CA10: variants seen among roughly 807,000 people sequenced by gnomAD.
CA10 encodes the protein carbonic anhydrase 10 (inactive).
CA10 carries 14 observed loss-of-function variants against 44.2 expected under a neutral mutation model. The ratio of observed to expected loss-of-function variants is 0.32; its 90% CI spans 0.21 to 0.50. CA10 has a LOEUF of 0.50. Ranked by LOEUF, CA10 falls within the 20% of genes least tolerant of loss-of-function variation. The probability of loss-of-function intolerance (pLI) is 0.99; values close to 1 mark genes in which losing one functional copy is unlikely to be tolerated. For synonymous variants in CA10, 159 were observed against 141.6 expected, an observed-to-expected ratio of 1.12 and a Z score of -0.87; for missense variants, 350 against 409.7, an observed-to-expected ratio of 0.85 and a Z score of 1.26.
chr17:51,933,414 G>A (rs532759053), intron 2 of CA10, among the ~76,000 whole-genome samples: 7 of 152,082 alleles, frequency 4.6e-5, no homozygotes, highest in Non-Finnish European at 7.4e-5. Context: ...TGGAGGAAGG[G>A]GACATGAACC....
chr17:51,840,485 AC>A (rs1978310617), intron 3 of CA10, among the ~76,000 whole-genome samples: 1 of 49,840 alleles, frequency 2.0e-5, no homozygotes, highest in African/African-American at 5.5e-5. Context: ...TAATACACAC[AC>A]ACACACACAC....
At chr17:52,128,008 A>G (rs1356025321) in intron 1 of CA10, among the ~76,000 whole-genome samples, 3 of 152,218 alleles carry the variant, frequency 2.0e-5, no homozygotes, top group Non-Finnish European at 4.4e-5. Context: ...GCTTTGATCT[A>G]CATTTTTCAA....
intron 2 of CA10, among the ~76,000 whole-genome samples, chr17:51,970,465 A>C (rs1021102565): frequency 6.6e-6 from 1 of 152,094 alleles, no homozygotes; most frequent in Non-Finnish European, 1.5e-5. Context: ...CTACTACTGC[A>C]GCGTATTTTA....
intron 3 of CA10, among the ~76,000 whole-genome samples, chr17:51,770,942 G>A (rs1905584262): frequency 6.6e-6 from 1 of 151,716 alleles, no homozygotes; most frequent in African/African-American, 2.4e-5. Context: ...TGGCCAACAT[G>A]GTGAAACCCC....
chr17:51,711,669 T>C (rs1040535556), intron 4 of CA10, among the ~76,000 whole-genome samples: 5 of 152,180 alleles, frequency 3.3e-5, no homozygotes, highest in South Asian at 4.1e-4. Context: ...CTGAAACAAA[T>C]ATCTAAGCAA....
chr17:52,011,333 T>C (rs372330689), intron 2 of CA10, among the ~76,000 whole-genome samples: 54 of 152,138 alleles, frequency 3.5e-4, no homozygotes, highest in African/African-American at 1.2e-3. Context: ...TCTGCTGCGA[T>C]CAGGTAAATG....
At chr17:51,772,898 G>A (rs546982409) in intron 3 of CA10, among the ~76,000 whole-genome samples, 11 of 152,170 alleles carry the variant, frequency 7.2e-5, no homozygotes, top group African/African-American at 2.2e-4. Context: ...GGAGCACCTC[G>A]GGAGACAGCC....
chr17:51,882,515 G>T (rs1980421181), intron 3 of CA10, among the ~76,000 whole-genome samples: 1 of 152,174 alleles, frequency 6.6e-6, no homozygotes, highest in South Asian at 2.1e-4. Flanking sequence ...AACTAAATGG[G>T]GCTGGCTTTC....
intron 3 of CA10, chr17:51,762,855 C>T (rs1905253193): frequency 6.6e-6 from 1 of 152,156 alleles, no homozygotes; most frequent in Non-Finnish European, 1.5e-5. Context: ...AGACACTTTT[C>T]CGAGGAAATA....
chr17:52,006,107 T>G (rs1478884486), intron 2 of CA10, among the ~76,000 whole-genome samples: 5 of 151,816 alleles, frequency 3.3e-5, no homozygotes, highest in Non-Finnish European at 1.5e-5. Flanking sequence ...AAATCGCTGA[T>G]GAACAGAGAC....
intron 4 of CA10, among the ~76,000 whole-genome samples, chr17:51,711,928 G>A (rs1229402949): frequency 1.3e-5 from 2 of 152,176 alleles, no homozygotes; most frequent in Non-Finnish European, 2.9e-5. Context: ...ATCAGACAAA[G>A]TCACAGCTGC....
chr17:52,060,565 TA>T (rs376907227), intron 2 of CA10, among the ~76,000 whole-genome samples: 1 of 152,150 alleles, frequency 6.6e-6, no homozygotes, highest in East Asian at 1.9e-4. Flanking sequence ...CATCCCAAAA[TA>T]AAAAAATTAT....
At chr17:51,912,184 A>T (rs1002303147) in intron 3 of CA10, among the ~76,000 whole-genome samples, 4 of 152,300 alleles carry the variant, frequency 2.6e-5, no homozygotes, top group Admixed American at 6.5e-5. Context: ...AGGGTATTAC[A>T]TGAGTAGCCT....
rs149532833 is a variant in CA10, at chr17:51,746,815, T to C, written c.465+818A>G. Among the ~76,000 whole-genome samples the C allele has an allele frequency of 3.5e-4, 53 of 152,348 alleles. 1 individual carries two copies. The highest frequency in any genetic ancestry group is 1.2e-3 in the African/African-American group (49 of 41,580). ...CACACTAAAAATAAGGCCAGATTTA[T>C]ACATGATCTTTAAAAAAATAAAAAC... On this transcript the variant is annotated intron_variant, in intron 4 of 8. Transcript: ENST00000451037.
At chr17:51,697,460 TG>T (rs1915440261) in intron 4 of CA10, among the ~76,000 whole-genome samples, 1 of 152,242 alleles carries the variant, frequency 6.6e-6, no homozygotes, top group African/African-American at 2.4e-5. Flanking sequence ...CATCAAGTCT[TG>T]GCTCTCATGT....
chr17:51,784,547 T>C (rs1906186158), intron 3 of CA10, among the ~76,000 whole-genome samples: 1 of 152,222 alleles, frequency 6.6e-6, no homozygotes, highest in Non-Finnish European at 1.5e-5. Flanking sequence ...TAATTACCAT[T>C]AGACACTCAA....
intron 3 of CA10, among the ~76,000 whole-genome samples, chr17:51,811,900 C>G (rs1907381560): frequency 6.6e-6 from 1 of 152,322 alleles, no homozygotes; most frequent in Admixed American, 6.5e-5. Context: ...CCTGACAGCA[C>G]ACAGTCCAGA....
chr17:51,640,557 A>T lies in CA10; in HGVS notation c.635-4548T>A, dbSNP rs368083434. The stretch of plus-strand genomic sequence containing the variant: ...TCATGCTGCCTCAGAGGCTGCCATT[A>T]AATCAGTGTCTATCTTTTAGGTATT... On this transcript the variant is annotated intron_variant, in intron 6 of 8. Transcript: ENST00000451037. Among the ~76,000 whole-genome samples, 5 of 152,306 alleles carry T rather than the reference A, an allele frequency of 3.3e-5. No homozygotes were observed. The South Asian group carries it at 1.0e-3, about 32-fold the overall frequency.
intron 5 of CA10, among the ~76,000 whole-genome samples, chr17:51,651,624 T>G (rs1029110499): frequency 2.0e-5 from 3 of 152,172 alleles, no homozygotes; most frequent in Admixed American, 6.5e-5. Context: ...AGTCACCAGC[T>G]CGGTAGGAAT....
Sources: gnomAD v4.1 joint callset for allele counts (sites outside exome capture counted in the v4.1 genomes callset) on GRCh38, gnomAD v4.1.1 for gene constraint, MANE v1.5 for transcripts, NCBI Gene and HGNC (gene_info 2026-07-23, HGNC 2026-07-21) for gene names.